The following ZNF407 variants were observed in gnomAD, a reference collection of about 807,000 sequenced individuals.
The protein encoded by ZNF407 is zinc finger protein 407.
ZNF407 carries 17 observed loss-of-function variants against 131.2 expected under a neutral mutation model. The observed-to-expected ratio is 0.13, with a 90% CI of 0.09 to 0.19. The LOEUF is 0.19. Among genes scored for constraint, ZNF407 ranks in the 10% least tolerant of loss-of-function variants. The pLI, the probability that ZNF407 is intolerant of heterozygous loss-of-function variation, is 1.00. For missense variants in ZNF407, 2,681 were observed against 2,830.6 expected (o/e 0.95, Z 1.20); for synonymous variants, 1,156 against 1,062.0 (o/e 1.09, Z -1.72).
chr18:74,784,496 C>A (rs1969667084), intron 4 of ZNF407, among the ~76,000 whole-genome samples: 1 of 152,136 alleles, frequency 6.6e-6, no homozygotes, highest in Non-Finnish European at 1.5e-5. Flanking sequence ...TAAATTATTT[C>A]AAATATTTTC....
intron 3 of ZNF407, among the ~76,000 whole-genome samples, chr18:74,653,310 A>G (rs1322495281): frequency 1.3e-5 from 2 of 151,926 alleles, no homozygotes; most frequent in African/African-American, 2.4e-5. Context: ...TTTAAGCGTC[A>G]TATTCTCAGT....
intron 4 of ZNF407, among the ~76,000 whole-genome samples, chr18:74,845,137 T>C (rs949548688): frequency 1.3e-5 from 2 of 152,194 alleles, no homozygotes; most frequent in African/African-American, 4.8e-5. Flanking sequence ...AATGCAAGAA[T>C]TGTTACTTAA....
At chr18:75,015,581 C>CATACAT (rs1555709819) in intron 8 of ZNF407, among the ~76,000 whole-genome samples, 2 of 145,100 alleles carry the variant, frequency 1.4e-5, no homozygotes, top group Admixed American at 1.4e-4. Context: ...TATATATTTA[C>CATACAT]ATATATATAT....
At chr18:74,972,785 G>A (rs894968375) in intron 8 of ZNF407, among the ~76,000 whole-genome samples, 1 of 151,990 alleles carries the variant, frequency 6.6e-6, no homozygotes, top group Admixed American at 6.6e-5. Flanking sequence ...ATGTATGTTA[G>A]TATGGTATAT....
chr18:75,063,903 A>G lies in ZNF407; in HGVS notation c.6182A>G (p.His2061Arg). The G allele has an allele frequency of 1.9e-6, 3 of 1,613,432 alleles. No individual in the cohort carries two copies. The highest frequency in any genetic ancestry group is 2.7e-5 in the African/African-American group (2 of 74,954). Residue 2061 changes from histidine to arginine, a missense_variant, in exon 9 of 9, where the codon CAT (histidine) becomes CGT (arginine). Around this residue, in one of 6 missense-constraint regions of ZNF407, gnomAD observed 620 missense variants for 583.1 expected, o/e 1.06. Coordinates refer to ENST00000299687, the MANE Select transcript of ZNF407 (RefSeq NM_017757.3). The surrounding 1 kb of genome is among the most constrained non-coding windows in gnomAD (Gnocchi z 6.6). ...AAVEVLTQVV[H>R]PSAAMASQER... ...GTGGAGGTGCTCACCCAGGTGGTCCATCCCTCAGCAGCCATGGCCTCTCAG... is the reference window on the plus strand; with the variant it reads ...GTGGAGGTGCTCACCCAGGTGGTCCGTCCCTCAGCAGCCATGGCCTCTCAG...
At chr18:74,834,489 G>A (rs994000336) in intron 4 of ZNF407, among the ~76,000 whole-genome samples, 2 of 152,168 alleles carry the variant, frequency 1.3e-5, no homozygotes, top group African/African-American at 4.8e-5. Flanking sequence ...TTGCTGTCTA[G>A]CCTTTCTTCT....
At chr18:74,968,894 G>T (rs1479848507) in intron 8 of ZNF407, among the ~76,000 whole-genome samples, 1 of 152,068 alleles carries the variant, frequency 6.6e-6, no homozygotes, top group Non-Finnish European at 1.5e-5. Flanking sequence ...CGAGCTCCAA[G>T]ATGTGAGTGA....
intron 1 of ZNF407, among the ~76,000 whole-genome samples, chr18:74,602,126 C>T (rs999455344): frequency 1.3e-5 from 2 of 152,100 alleles, no homozygotes; most frequent in Non-Finnish European, 2.9e-5. Flanking sequence ...TGTACTAACT[C>T]CCTGCTTACT....
At chr18:74,718,919 A>G (rs1599096141) in intron 3 of ZNF407, among the ~76,000 whole-genome samples, 1 of 152,096 alleles carries the variant, frequency 6.6e-6, no homozygotes, top group South Asian at 2.1e-4. Context: ...TGCTTTTCTT[A>G]AAATCTATTT....
intron 4 of ZNF407, among the ~76,000 whole-genome samples, chr18:74,824,763 C>A (rs959856795): frequency 6.6e-6 from 1 of 152,204 alleles, no homozygotes; most frequent in Non-Finnish European, 1.5e-5. Flanking sequence ...GACGGATTCA[C>A]AGCCGAATTC....
rs147242004 is a variant in ZNF407, at chr18:74,955,851, C to T, written c.5428+35159C>T. On this transcript the variant is annotated intron_variant, in intron 8 of 8. Transcript: ENST00000299687. ...CAGCCATCCTCTCTCCCTGCACACA[C>T]GGTGCACGTGTTCCTGTCTGTCTGT... Among the ~76,000 whole-genome samples, 509 of 152,300 alleles carry T rather than the reference C, an allele frequency of 3.3e-3. 4 individuals carry two copies. The highest frequency in any genetic ancestry group is 0.011 in the African/African-American group (462 of 41,568).
At chr18:74,890,884 G>A (rs545441293) in intron 7 of ZNF407, among the ~76,000 whole-genome samples, 3 of 152,248 alleles carry the variant, frequency 2.0e-5, no homozygotes, top group South Asian at 4.1e-4. Context: ...GTGTGTGTTC[G>A]GAAAGGATGA....
chr18:74,809,502 T>C (rs558345222), intron 4 of ZNF407, among the ~76,000 whole-genome samples: 10 of 152,322 alleles, frequency 6.6e-5, no homozygotes, highest in Non-Finnish European at 1.0e-4. Context: ...GATGGTTTCT[T>C]TGGTGTCCCA....
At chr18:74,912,598 T>G (rs1217406988) in intron 7 of ZNF407, among the ~76,000 whole-genome samples, 9 of 152,200 alleles carry the variant, frequency 5.9e-5, no homozygotes. Flanking sequence ...GGATCCACAT[T>G]TAACTTACTG....
intron 8 of ZNF407, among the ~76,000 whole-genome samples, chr18:75,058,518 T>C (rs1038298786): frequency 6.6e-6 from 1 of 152,196 alleles, no homozygotes; most frequent in Admixed American, 6.5e-5. Flanking sequence ...ACTGTTTGGT[T>C]AACTACTGTT....
chr18:74,991,683 C>T lies in ZNF407; in HGVS notation c.5428+70991C>T, dbSNP rs917079423. 3.9e-5 allele frequency among the ~76,000 whole-genome samples: 6 copies of T among 152,288 alleles called. No homozygotes were observed. The East Asian group carries it at 1.2e-3, about 29-fold the overall frequency. On this transcript the variant is annotated intron_variant, in intron 8 of 8. Transcript: ENST00000299687. ...TATATATTATGAAATAGGTTGAGTT[C>T]TATGTTCAGATTTCTCTAACATTTC...
intron 1 of ZNF407, among the ~76,000 whole-genome samples, chr18:74,630,649 T>C (rs1984015657): frequency 6.6e-6 from 1 of 152,144 alleles, no homozygotes; most frequent in Non-Finnish European, 1.5e-5. Flanking sequence ...TTTGTTTTTT[T>C]TTTAAAAGGG....
rs535617991 is a variant in ZNF407, at chr18:74,764,015, C to G, written c.4803-17413C>G. ...GGCGTGAGCCACCGCGCCCGGCCAT[C>G]TTTGATCTTTTGTATATAACATGTC... On this transcript the variant is annotated intron_variant, in intron 3 of 8. Coordinates refer to ENST00000299687, the MANE Select transcript of ZNF407 (RefSeq NM_017757.3). Among the ~76,000 whole-genome samples, 9 of 151,830 alleles carry G rather than the reference C, an allele frequency of 5.9e-5. No homozygotes were observed. The East Asian group carries it at 1.7e-3, about 29-fold the overall frequency.
At chr18:74,781,558 C>T (rs1430031972) in intron 4 of ZNF407, 56 bp downstream of exon 4, 4 of 1,344,660 alleles carry the variant, frequency 3.0e-6, no homozygotes, top group Non-Finnish European at 4.0e-6. Context: ...TTATTTTAGG[C>T]TTTATTTAAT....
Sources: allele counts gnomAD v4.1 joint callset (sites outside exome capture counted in the v4.1 genomes callset), GRCh38; gene constraint gnomAD v4.1.1; regional missense constraint gnomAD v4.1.1; non-coding constraint Gnocchi (gnomAD v3.1); transcripts MANE v1.5; gene names NCBI Gene and HGNC (gene_info 2026-07-23, HGNC 2026-07-21).